Variants in NT5C1B observed in about 807,000 individuals in gnomAD.
The protein encoded by NT5C1B is 5'-nucleotidase, cytosolic IB.
NT5C1B carries 44 observed loss-of-function variants against 57.8 expected under a neutral mutation model. That is an observed-to-expected ratio of 0.76 (90% CI 0.60 to 0.98). The LOEUF is 0.98. NT5C1B is among the 50% of genes least tolerant of loss of function. The probability of loss-of-function intolerance (pLI) is 0.00; values close to 1 mark genes in which losing one functional copy is unlikely to be tolerated. For missense variants in NT5C1B, 742 were observed against 719.5 expected (o/e 1.03, Z -0.36); for synonymous variants, 284 against 282.6 (o/e 1.00, Z -0.05).
intron 6 of NT5C1B, among the ~76,000 whole-genome samples, chr2:18,579,274 A>C (rs559614386): frequency 2.0e-5 from 3 of 152,354 alleles, no homozygotes; most frequent in African/African-American, 7.2e-5. Flanking sequence ...TTTTTCACAG[A>C]ATTAGAAAAA....
intron 6 of NT5C1B, among the ~76,000 whole-genome samples, chr2:18,577,370 C>T (rs1328377395): frequency 1.4e-5 from 2 of 141,386 alleles, no homozygotes; most frequent in East Asian, 2.1e-4. Flanking sequence ...AGATGTGGCT[C>T]TCGAGATCGC....
rs192106990 is a variant in NT5C1B at position 18,582,799 on chromosome 2, G to A, written c.1021+69C>T. Reference sequence around the variant, plus strand: ...ACTGCATTTGGTTAAGCCACAGTTAGCAAAATAACATGGCTTCTCTCTTTC... The same window carrying A: ...ACTGCATTTGGTTAAGCCACAGTTAACAAAATAACATGGCTTCTCTCTTTC... On this transcript the variant is annotated intron_variant, in intron 6 of 8. Transcript: ENST00000304081. 21 of 1,566,480 alleles carry A rather than the reference G, an allele frequency of 1.3e-5. No homozygotes were observed. The East Asian group carries it at 4.3e-4, about 32-fold the overall frequency.
intron 3 of NT5C1B, among the ~76,000 whole-genome samples, chr2:18,585,701 CA>C (rs1333751420): frequency 6.6e-6 from 1 of 152,112 alleles, no homozygotes; most frequent in African/African-American, 2.4e-5. Context: ...ACACATGACT[CA>C]AAAAAGCATG....
At chr2:18,587,299 G>C in intron 2 of NT5C1B, 3 of 1,480,766 alleles carry the variant, frequency 2.0e-6, no homozygotes, top group Non-Finnish European at 2.7e-6. Context: ...CCACACATTC[G>C]AAGTGAACAC....
At chr2:18,571,724 A>G (rs112298231) in intron 8 of NT5C1B, among the ~76,000 whole-genome samples, 4,714 of 14,576 alleles carry the variant, frequency 0.32, 194 homozygotes, top group Admixed American at 0.4. Flanking sequence ...GTGTGTATAT[A>G]TATATATATA....
chr2:18,578,567 A>G (rs953680913), intron 6 of NT5C1B, among the ~76,000 whole-genome samples: 1 of 152,198 alleles, frequency 6.6e-6, no homozygotes, highest in African/African-American at 2.4e-5. Context: ...TGATAATCTC[A>G]ATAGATGCAA....
At chr2:18,571,325 G>A (rs1665130375) in intron 8 of NT5C1B, among the ~76,000 whole-genome samples, 2 of 152,062 alleles carry the variant, frequency 1.3e-5, no homozygotes, top group African/African-American at 4.8e-5. Flanking sequence ...AATTGAACAA[G>A]GTTGCAGAAT....
exon 9 of NT5C1B, chr2:18,563,157 C>T (rs1274425654): frequency 6.6e-6 from 1 of 151,712 alleles, no homozygotes; most frequent in Non-Finnish European, 1.5e-5. Context: ...GGATCAGAGG[C>T]ATTTAACCCA....
At chr2:18,569,383 C>T (rs1300151169) in intron 8 of NT5C1B, among the ~76,000 whole-genome samples, 1 of 152,030 alleles carries the variant, frequency 6.6e-6, no homozygotes, top group Non-Finnish European at 1.5e-5. Flanking sequence ...AGATTTTAAT[C>T]CAACCAAAGC....
At position 18,588,144 on chromosome 2, in the gene NT5C1B, G is replaced by A. The variant is rs145491850; in HGVS notation, c.31-552C>T. Among the ~76,000 whole-genome samples, 1,268 of 152,190 alleles carry A rather than the reference G, an allele frequency of 8.3e-3. 8 individuals carry two copies. The highest frequency in any genetic ancestry group is 0.011 in the Non-Finnish European group (758 of 68,018). Reference sequence around the variant, plus strand: ...ATTTAATTACTCATAGATCTAGAGTGGAAAGGGATTTCTTACCAACAAATT... The same window carrying A: ...ATTTAATTACTCATAGATCTAGAGTAGAAAGGGATTTCTTACCAACAAATT... On this transcript the variant is annotated intron_variant, in intron 1 of 8. Transcript: ENST00000304081.
At chr2:18,567,298 C>G (rs1664734034) in intron 8 of NT5C1B, among the ~76,000 whole-genome samples, 1 of 152,180 alleles carries the variant, frequency 6.6e-6, no homozygotes, top group African/African-American at 2.4e-5. Flanking sequence ...GCTTCAAACA[C>G]TGTTATCCTC....
In NT5C1B at chr2:18,582,851, G is replaced by A. The variant is rs1302088955; in HGVS notation, c.1021+17C>T. 3 of 1,610,502 alleles carry A rather than the reference G, an allele frequency of 1.9e-6. No homozygotes were observed. Among genetic ancestry groups the A allele is most frequent in the Non-Finnish European group, 2.5e-6 (3 of 1,178,328 alleles). On this transcript the variant is annotated intron_variant, in intron 6 of 8. Coordinates refer to ENST00000304081, the Ensembl canonical transcript of NT5C1B. ...GAGCGGAGAGCTGGTCTTCCACATGGTATTTATTTTACTTACCGTAGTGAT... is the reference window on the plus strand; with the variant it reads ...GAGCGGAGAGCTGGTCTTCCACATGATATTTATTTTACTTACCGTAGTGAT...
chr2:18,577,190 G>T (rs1238544628), intron 6 of NT5C1B, among the ~76,000 whole-genome samples: 1 of 151,918 alleles, frequency 6.6e-6, no homozygotes, highest in African/African-American at 2.4e-5. Context: ...CATACTGAAG[G>T]TATTATTATC....
intron 6 of NT5C1B, among the ~76,000 whole-genome samples, chr2:18,580,869 A>C (rs1039729665): frequency 6.6e-6 from 1 of 152,208 alleles, no homozygotes; most frequent in East Asian, 1.9e-4. Flanking sequence ...GTTCTCACTT[A>C]TAAGTGGGAG....
At position 18,584,480 on chromosome 2, in the gene NT5C1B, C is replaced by T. The variant is rs376508261; in HGVS notation, c.723+34G>A. ...GGCTGGAAGAGGCTGCAAGGAAGGG[C>T]GCCCCGGCTGCCAGGGGCGGCGGGC... On this transcript the variant is annotated intron_variant, in intron 4 of 8. Transcript: ENST00000304081. The surrounding 1 kb of genome is among the most constrained non-coding windows in gnomAD (Gnocchi z 5.8). 39 of 1,589,228 alleles carry T rather than the reference C, an allele frequency of 2.5e-5. No individual in the cohort carries two copies. The highest frequency in any genetic ancestry group is 3.3e-5 in the Non-Finnish European group (38 of 1,168,816).
At chr2:18,568,016 A>G (rs533759571) in intron 8 of NT5C1B, among the ~76,000 whole-genome samples, 3 of 151,874 alleles carry the variant, frequency 2.0e-5, no homozygotes, top group Non-Finnish European at 2.9e-5. Context: ...GTCAATAGAA[A>G]TTGCCCAAAC....
intron 6 of NT5C1B, among the ~76,000 whole-genome samples, chr2:18,580,221 T>C (rs1176721658): frequency 1.3e-5 from 2 of 152,190 alleles, no homozygotes; most frequent in Admixed American, 1.3e-4. Context: ...GGAAAGCAGA[T>C]TGCAGATTTC....
intron 7 of NT5C1B, 30 bp from the exon 8 acceptor site, chr2:18,576,398 C>T: frequency 6.3e-7 from 1 of 1,586,126 alleles, no homozygotes; most frequent in Non-Finnish European, 8.5e-7. Context: ...GATTAATACT[C>T]TTCTCAGGTC....
Position 18,584,783 on chromosome 2 carries a change from T to C in NT5C1B, c.454A>G (p.Asn152Asp), listed in dbSNP as rs1329972667. The change falls in exon 4 of 9, where the codon AAT becomes GAT. Residue 152 changes from asparagine to aspartate, a missense_variant. Coordinates refer to ENST00000304081, the Ensembl canonical transcript of NT5C1B. The surrounding 1 kb of genome is among the most constrained non-coding windows in gnomAD (Gnocchi z 5.8). The stretch of plus-strand genomic sequence containing the variant: ...ATGCCTTGGGCCCAGGCCTCCGGAT[T>C]CTCTTGCATTTTGGTGCTGCGCCGG... 1 of 1,613,604 alleles carries C rather than the reference T, an allele frequency of 6.2e-7. No individual in the cohort carries two copies. The highest frequency in any genetic ancestry group is 8.5e-7 in the Non-Finnish European group (1 of 1,179,830).
Sources: gnomAD v4.1 joint callset for allele counts (sites outside exome capture counted in the v4.1 genomes callset) on GRCh38, gnomAD v4.1.1 for gene constraint, Gnocchi (gnomAD v3.1) non-coding constraint, MANE v1.5 for transcripts, NCBI Gene and HGNC (gene_info 2026-07-23, HGNC 2026-07-21) for gene names.